The following CADM2 variants were observed in gnomAD, a reference collection of about 807,000 sequenced individuals.
The protein encoded by CADM2 is immunoglobulin superfamily member 4D.
Under a neutral mutation model 49.8 loss-of-function variants are expected in CADM2, and 12 were observed. The observed-to-expected ratio is 0.24, with a 90% CI of 0.15 to 0.39. CADM2 has a LOEUF of 0.39. Ranked by LOEUF, CADM2 falls within the 10% of genes least tolerant of loss-of-function variation. CADM2 has a pLI of 1.00. For synonymous variants in CADM2, 214 were observed against 175.4 expected (o/e 1.22, Z -1.74); for missense variants, 378 against 492.3 (o/e 0.77, Z 2.20).
At chr3:85,916,400 C>T (rs1447666392) in intron 6 of CADM2, among the ~76,000 whole-genome samples, 1 of 146,028 alleles carries the variant, frequency 6.8e-6, no homozygotes, top group African/African-American at 2.5e-5. Flanking sequence ...AAATTGCCAC[C>T]TATGAGTGAG....
At chr3:85,646,188 C>A (rs2064878122) in intron 1 of CADM2, among the ~76,000 whole-genome samples, 1 of 151,908 alleles carries the variant, frequency 6.6e-6, no homozygotes, top group African/African-American at 2.4e-5. Context: ...TATAAGCTTC[C>A]ATAGCAACTG....
chr3:85,813,587 G>A (rs972769170), intron 3 of CADM2, among the ~76,000 whole-genome samples: 2 of 152,062 alleles, frequency 1.3e-5, no homozygotes, highest in African/African-American at 2.4e-5. Context: ...CATTGTTTTT[G>A]TGTTTTACAC....
intron 1 of CADM2, among the ~76,000 whole-genome samples, chr3:85,098,830 C>T (rs1411102387): frequency 2.6e-5 from 4 of 152,116 alleles, no homozygotes; most frequent in African/African-American, 4.8e-5. Context: ...AACAAATCCG[C>T]GTATAAGTGG....
intron 5 of CADM2, among the ~76,000 whole-genome samples, chr3:85,898,528 CT>C: frequency 6.6e-6 from 1 of 151,520 alleles, no homozygotes; most frequent in South Asian, 2.1e-4. Flanking sequence ...TTTGCATTTT[CT>C]GCAATTTTAC....
chr3:85,402,467 T>A (rs2035162567), intron 1 of CADM2, among the ~76,000 whole-genome samples: 2 of 152,180 alleles, frequency 1.3e-5, no homozygotes, highest in Non-Finnish European at 2.9e-5. Flanking sequence ...TTTTTTTGTT[T>A]ATTTTACTCT....
At chr3:85,579,416 G>A (rs561415337) in intron 1 of CADM2, among the ~76,000 whole-genome samples, 1 of 152,188 alleles carries the variant, frequency 6.6e-6, no homozygotes, top group Admixed American at 6.6e-5. Context: ...ATGTGTGCAT[G>A]CAACAGCATC....
chr3:85,828,160 G>A (rs1018526773), intron 3 of CADM2: 6 of 151,854 alleles, frequency 4.0e-5, no homozygotes, highest in South Asian at 2.1e-4. Context: ...AGACCCTGAC[G>A]TGCTATCCAA....
At chr3:86,002,838 C>G (rs1730347724) in intron 8 of CADM2, among the ~76,000 whole-genome samples, 1 of 152,108 alleles carries the variant, frequency 6.6e-6, no homozygotes, top group African/African-American at 2.4e-5. Flanking sequence ...CGTTCTGACC[C>G]CTATCTATAA....
chr3:85,511,597 C>A (rs1291094388), intron 1 of CADM2, among the ~76,000 whole-genome samples: 2 of 151,976 alleles, frequency 1.3e-5, no homozygotes, highest in African/African-American at 4.8e-5. Context: ...CAGGAAAGAA[C>A]TGACAAAAAT....
chr3:85,674,493 A>G (rs2065836296), intron 1 of CADM2, among the ~76,000 whole-genome samples: 1 of 152,164 alleles, frequency 6.6e-6, no homozygotes, highest in Non-Finnish European at 1.5e-5. Flanking sequence ...TAAAGCAAAG[A>G]TGAAAAATTG....
chr3:85,057,489 C>T (rs2036127589), intron 1 of CADM2, among the ~76,000 whole-genome samples: 1 of 151,950 alleles, frequency 6.6e-6, no homozygotes, highest in South Asian at 2.1e-4. Flanking sequence ...ACATCATATA[C>T]TAACTTTGAT....
At chr3:85,532,905 C>T (rs569116648) in intron 1 of CADM2, among the ~76,000 whole-genome samples, 161 of 152,168 alleles carry the variant, frequency 1.1e-3, no homozygotes, top group Middle Eastern at 3.4e-3. Flanking sequence ...AATGCAGGAA[C>T]GGAAAACCAA....
At chr3:85,866,936 A>T (rs1415071958) in intron 3 of CADM2, among the ~76,000 whole-genome samples, 2 of 152,160 alleles carry the variant, frequency 1.3e-5, no homozygotes, top group Admixed American at 6.5e-5. Flanking sequence ...TATAGGTTCA[A>T]GTGTGTGCAA....
chr3:85,056,004 C>T (rs895907867), intron 1 of CADM2, among the ~76,000 whole-genome samples: 1 of 152,008 alleles, frequency 6.6e-6, no homozygotes, highest in African/African-American at 2.4e-5. Context: ...CAGTTAAGGG[C>T]TCTTCATGTC....
chr3:85,100,780 T>G (rs1466989487), intron 1 of CADM2, among the ~76,000 whole-genome samples: 1 of 152,220 alleles, frequency 6.6e-6, no homozygotes, highest in Non-Finnish European at 1.5e-5. Flanking sequence ...AACTGCATTT[T>G]TAGAATCAGC....
chr3:85,325,449 C>T (rs1012081740), intron 1 of CADM2, among the ~76,000 whole-genome samples: 3 of 152,084 alleles, frequency 2.0e-5, no homozygotes, highest in Admixed American at 6.6e-5. Flanking sequence ...TGGTGGCTCA[C>T]GCCTATAATC....
intron 1 of CADM2, among the ~76,000 whole-genome samples, chr3:85,393,100 A>AAAG (rs1479624518): frequency 1.3e-5 from 2 of 151,644 alleles, no homozygotes; most frequent in Non-Finnish European, 2.9e-5. Flanking sequence ...AAAAAAAAAA[A>AAAG]AAAGAAAAGA....
At chr3:85,612,074 T>C (rs974675564) in intron 1 of CADM2, among the ~76,000 whole-genome samples, 19 of 151,868 alleles carry the variant, frequency 1.3e-4, no homozygotes, top group South Asian at 2.1e-4. Context: ...TGGAATTAAG[T>C]ATAGCAATGA....
chr3:85,750,398 A>ACAAAGTGGAATTGTACAAGCAGCAGG (rs1559631480), intron 2 of CADM2, among the ~76,000 whole-genome samples: 2 of 152,104 alleles, frequency 1.3e-5, no homozygotes, highest in Non-Finnish European at 2.9e-5. Context: ...AAATTTGGGA[A>ACAAAGTGGAATTGTACAAGCAGCAGG]CAAAGTGGAA....
Sources: gnomAD v4.1 joint callset for allele counts (sites outside exome capture counted in the v4.1 genomes callset) on GRCh38, gnomAD v4.1.1 for gene constraint, MANE v1.5 for transcripts, NCBI Gene and HGNC (gene_info 2026-07-23, HGNC 2026-07-21) for gene names.